The following TH variants were observed in gnomAD, a reference collection of about 807,000 sequenced individuals.
TH encodes tyrosine hydroxylase, also known as tyrosine 3-monooxygenase.
A neutral mutation model predicts 57.4 loss-of-function variants in TH; 49 were observed. That is an observed-to-expected ratio of 0.85 (90% CI 0.68 to 1.08). TH has a LOEUF of 1.08. Ranked by LOEUF, TH falls within the 50% of genes least tolerant of loss-of-function variation. The pLI is 0.00. For synonymous variants in TH, 330 were observed against 304.5 expected (o/e 1.08, Z -0.87); for missense variants, 720 against 696.7 (o/e 1.03, Z -0.38).
At chr11:2,165,132 C>T in intron 12 of TH, 100 bp downstream of exon 12, 1 of 1,578,720 alleles carries the variant, frequency 6.3e-7, no homozygotes, top group Non-Finnish European at 8.7e-7. Flanking sequence ...TCATCTGTGA[C>T]CTGGGCTCAC....
In TH at chr11:2,166,659, C is replaced by G; in HGVS notation, c.951G>C (p.Ala317=). Residue 317 remains alanine, a synonymous_variant, in exon 8 of 13, where the codon GCG becomes GCC. Transcript: ENST00000352909. Reference sequence around the variant, plus strand: ...GCTCAGGGGAGTGCATGGGCGAGGACGCGTGGCGGATATACTGGGTGCACT... The same window carrying G: ...GCTCAGGGGAGTGCATGGGCGAGGAGGCGTGGCGGATATACTGGGTGCACT... The part of the protein sequence containing the change: ...VFQCTQYIRH[A]SSPMHSPEPD... 1 of 1,573,042 alleles carries G rather than the reference C, an allele frequency of 6.4e-7. No homozygotes were observed. The highest frequency in any genetic ancestry group is 8.6e-7 in the Non-Finnish European group (1 of 1,160,050).
At chr11:2,166,336 G>T in intron 9 of TH, 144 bp downstream of exon 9, 1 of 1,178,230 alleles carries the variant, frequency 8.5e-7, no homozygotes, top group Non-Finnish European at 1.2e-6. Context: ...GCCCTATGCC[G>T]CGCGACCCTC....
At chr11:2,167,628 C>T (rs1477551241) in intron 5 of TH, 143 bp from the exon 6 acceptor site, 1 of 1,161,970 alleles carries the variant, frequency 8.6e-7, no homozygotes. Context: ...AGGGTGCACC[C>T]CAGCTGACTG....
At position 2,166,045 on chromosome 11, in the gene TH, G is replaced by T. The variant is rs763039181; in HGVS notation, c.1061C>A (p.Ala354Glu). The change falls in exon 10 of 13, where the codon GCG (alanine) becomes GAG (glutamate). Residue 354 changes from alanine (A) to glutamate (E), a missense_variant. Transcript: ENST00000352909. Reference protein sequence around the residue: ...FAQFSQDIGLASLGASDEEIE... With the variant: ...FAQFSQDIGLESLGASDEEIE... ...TTCCTCATCCGAGGCCCCCAGGGACGCCAGGCCAATGTCCTGTGGAGCAGG... is the reference window on the plus strand; with the variant it reads ...TTCCTCATCCGAGGCCCCCAGGGACTCCAGGCCAATGTCCTGTGGAGCAGG... The T allele has an allele frequency of 1.3e-6, 2 of 1,557,762 alleles. No individual in the cohort carries two copies. The highest frequency in any genetic ancestry group is 1.7e-6 in the Non-Finnish European group (2 of 1,150,586).
rs2133697405 is a variant in TH at position 2,168,546 on chromosome 11, C to A, written c.432G>T (p.Leu144=). 1 of 1,612,016 alleles carries A rather than the reference C, an allele frequency of 6.2e-7. No individual in the cohort carries two copies. The highest frequency in any genetic ancestry group is 1.7e-4 in the Middle Eastern group (1 of 5,940). Residue 144 remains leucine, a synonymous_variant, in exon 3 of 13, where the codon CTG becomes CTT. Coordinates refer to ENST00000352909, the MANE Select transcript of TH (RefSeq NM_000360.4). ...LEVRRGDLAA[L]LSGVRQVSED... ...CTGACACCTGGCGCACACCACTGAGCAGGGCGGCCAGGTCCCCTCGGCGCA... is the reference window on the plus strand; with the variant it reads ...CTGACACCTGGCGCACACCACTGAGAAGGGCGGCCAGGTCCCCTCGGCGCA...
intron 9 of TH, 105 bp downstream of exon 9, chr11:2,166,375 G>A (rs994818677): frequency 8.5e-6 from 12 of 1,405,946 alleles, no homozygotes; most frequent in Non-Finnish European, 1.1e-5. Context: ...GGCGGGGCCC[G>A]GGAGCAGGCA....
intron 9 of TH, 190 bp from the exon 10 acceptor site, chr11:2,166,248 A>C: frequency 1.2e-6 from 1 of 862,914 alleles, no homozygotes; most frequent in Non-Finnish European, 1.8e-6. Flanking sequence ...CCTTGACCAC[A>C]TTCCTAAGCC....
chr11:2,166,543 G>A lies in TH; in HGVS notation c.984C>T (p.Cys328=), dbSNP rs371340450. The change falls in exon 9 of 13, where the codon TGC becomes TGT. Residue 328 remains cysteine (C), a synonymous_variant. Transcript: ENST00000352909. ...GCACGTGCCCCAGCAGCTCGTGGCA[G>A]CAGTCCCTGCGCGTAGGAGGGAGAA... ...SSPMHSPEPD[C]CHELLGHVPM... 12 of 1,601,690 alleles carry A rather than the reference G, an allele frequency of 7.5e-6. No homozygotes were observed. Among genetic ancestry groups the A allele is most frequent in the Middle Eastern group, 1.9e-4 (1 of 5,240 alleles).
Position 2,165,722 on chromosome 11 carries a change from G to A in TH, c.1146C>T (p.Asn382=), listed in dbSNP as rs202090361. ...CGGCACCATAGGCCTTCACCTCCCC[G>A]TTCTGCTTACACAGCCCGAACTCCA... The part of the protein sequence containing the change: ...FTVEFGLCKQ[N]GEVKAYGAGL... Residue 382 remains asparagine (N), a synonymous_variant, in exon 11 of 13, where the codon AAC becomes AAT. Coordinates refer to ENST00000352909, the MANE Select transcript of TH (RefSeq NM_000360.4). The A allele has an allele frequency of 7.4e-6, 12 of 1,612,740 alleles. No homozygotes were observed. The highest frequency in any genetic ancestry group is 4.0e-5 in the African/African-American group (3 of 75,022).
rs761504134 is a variant in TH, at chr11:2,166,990, G to A, written c.738C>T (p.His246=). Residue 246 remains histidine (H), a synonymous_variant, in exon 7 of 13, where the codon CAC becomes CAT. Coordinates refer to ENST00000352909, the MANE Select transcript of TH (RefSeq NM_000360.4). The stretch of plus-strand genomic sequence containing the variant: ...AGGCCTCCAGGTGCTCCCCGCAGGC[G>A]TGCGTGGCGTAGAGGCCCTTCAGCG... ...YTTLKGLYAT[H]ACGEHLEAFA... is the part of the protein sequence containing the mutation. The A allele has an allele frequency of 6.3e-6, 10 of 1,590,210 alleles. No individual in the cohort carries two copies. In the East Asian group the frequency reaches 1.4e-4, roughly 22 times the overall value.
Position 2,169,791 on chromosome 11 carries a change from G to T in TH, c.171C>A (p.Ala57=). ...KEREAAVAAA[A]AAVPSEPGDP... The stretch of plus-strand genomic sequence containing the variant: ...CCCCGGGCTCCGAGGGGACTGCAGC[G>T]GCCGCTGCTGCCACCGCCGCCTCCC... Residue 57 remains alanine (A), a synonymous_variant, in exon 2 of 13, where the codon GCC becomes GCA. Transcript: ENST00000352909. 1 of 1,611,040 alleles carries T rather than the reference G, an allele frequency of 6.2e-7. No homozygotes were observed. Among genetic ancestry groups the T allele is most frequent in the Non-Finnish European group, 8.5e-7 (1 of 1,179,386 alleles).
Position 2,171,776 on chromosome 11 carries a change from G to A in TH, c.11C>T (p.Pro4Leu). Residue 4 changes from proline (P) to leucine (L), a missense_variant, in exon 1 of 13, where the codon CCC becomes CTC. Pro to Leu is a moderately conservative substitution (Grantham distance 98). Coordinates refer to ENST00000352909, the MANE Select transcript of TH (RefSeq NM_000360.4). The surrounding 1 kb of genome is among the most constrained non-coding windows in gnomAD (Gnocchi z 8.6). ...CTTGGCCTGTGGCGTGGTGGCGTCGGGGGTGGGCATGGCTCAGTGTGGAGG... is the reference window on the plus strand; with the variant it reads ...CTTGGCCTGTGGCGTGGTGGCGTCGAGGGTGGGCATGGCTCAGTGTGGAGG... MPT[P>L]DATTPQAKGF... 1.9e-6 allele frequency: 3 copies of A among 1,612,078 alleles called. No homozygotes were observed. Among genetic ancestry groups the A allele is most frequent in the Non-Finnish European group, 1.7e-6 (2 of 1,179,810 alleles).
chr11:2,166,974 G>C lies in TH; in HGVS notation c.754C>G (p.Leu252Val), dbSNP rs1452960216. 6.3e-7 allele frequency: 1 copy of C among 1,593,622 alleles called. No homozygotes were observed. Among genetic ancestry groups the C allele is most frequent in the Non-Finnish European group, 8.5e-7 (1 of 1,170,754 alleles). ...CGCTCCAGCAAAGCAAAGGCCTCCA[G>C]GTGCTCCCCGCAGGCGTGCGTGGCG... ...LYATHACGEH[L>V]EAFALLERFS... The change falls in exon 7 of 13, where the codon CTG becomes GTG. Residue 252 changes from leucine to valine, a missense_variant. Coordinates refer to ENST00000352909, the MANE Select transcript of TH (RefSeq NM_000360.4).
chr11:2,169,833 C>A lies in TH; in HGVS notation c.129G>T (p.Glu43Asp). 2 of 1,610,700 alleles carry A rather than the reference C, an allele frequency of 1.2e-6. No individual in the cohort carries two copies. Among genetic ancestry groups the A allele is most frequent in the Non-Finnish European group, 1.7e-6 (2 of 1,179,642 alleles). ...RFIGRRQSLI[E>D]DARKEREAAV... ...CCGCCTCCCGCTCCTTGCGGGCGTC[C>A]TCGATGAGGCTCTGCCTGCGCCCAA... Residue 43 changes from glutamate to aspartate, a missense_variant, in exon 2 of 13, where the codon GAG (glutamate) becomes GAT (aspartate). Coordinates refer to ENST00000352909, the MANE Select transcript of TH (RefSeq NM_000360.4).
rs762373165 is a variant in TH at position 2,170,768 on chromosome 11, G to T, written c.91-897C>A. ...AGCCTGTGAGGCTGGGCCCCGGGGC[G>T]CCCTGGGGAGGGGATGCCTGATGGG... On this transcript the variant is annotated intron_variant, in intron 1 of 12. Coordinates refer to ENST00000352909, the MANE Select transcript of TH (RefSeq NM_000360.4). This position sits in a 1 kb window ranked among gnomAD's most constrained non-coding sequence, Gnocchi z 6.0. The T allele has an allele frequency of 6.5e-7, 1 of 1,534,356 alleles. No homozygotes were observed. The highest frequency in any genetic ancestry group is 8.7e-7 in the Non-Finnish European group (1 of 1,148,326).
At position 2,166,047 on chromosome 11, in the gene TH, C is replaced by T; in HGVS notation, c.1059G>A (p.Leu353=). The part of the protein sequence containing the change: ...TFAQFSQDIG[L]ASLGASDEEI... ...CCTCATCCGAGGCCCCCAGGGACGC[C>T]AGGCCAATGTCCTGTGGAGCAGGGA... Residue 353 remains leucine, a synonymous_variant, in exon 10 of 13, where the codon CTG becomes CTA. Transcript: ENST00000352909. The T allele has an allele frequency of 6.4e-7, 1 of 1,557,462 alleles. No homozygotes were observed. The highest frequency in any genetic ancestry group is 8.7e-7 in the Non-Finnish European group (1 of 1,150,296).
intron 3 of TH, 91 bp from the exon 4 acceptor site, chr11:2,168,270 C>A: frequency 6.8e-7 from 1 of 1,470,626 alleles, no homozygotes; most frequent in Non-Finnish European, 9.5e-7. Context: ...ACAAGACTTC[C>A]GGGGGGCAGA....
At chr11:2,164,428 CG>C in intron 12 of TH, 36 bp from the exon 13 acceptor site, 1 of 1,541,062 alleles carries the variant, frequency 6.5e-7, no homozygotes, top group Non-Finnish European at 8.7e-7. Flanking sequence ...CGTCAACTGG[CG>C]GGCAGAGTCT....
rs1357867110 is a variant in TH at position 2,168,532 on chromosome 11, C to A, written c.446G>T (p.Arg149Leu). 3.7e-6 allele frequency: 6 copies of A among 1,612,138 alleles called. No homozygotes were observed. Among genetic ancestry groups the A allele is most frequent in the Non-Finnish European group, 5.1e-6 (6 of 1,179,814 alleles). Reference sequence around the variant, plus strand: ...GCTGCGCACGTCCTCTGACACCTGGCGCACACCACTGAGCAGGGCGGCCAG... The same window carrying A: ...GCTGCGCACGTCCTCTGACACCTGGAGCACACCACTGAGCAGGGCGGCCAG... The part of the protein sequence containing the change: ...GDLAALLSGV[R>L]QVSEDVRSPA... Residue 149 changes from arginine (R) to leucine (L), a missense_variant, in exon 3 of 13, where the codon CGC becomes CTC. Arg to Leu is a moderately radical substitution (Grantham distance 102). Coordinates refer to ENST00000352909, the MANE Select transcript of TH (RefSeq NM_000360.4).
Sources: gnomAD v4.1 joint callset for allele counts on GRCh38, gnomAD v4.1.1 for gene constraint, Gnocchi (gnomAD v3.1) non-coding constraint, MANE v1.5 for transcripts, NCBI Gene and HGNC (gene_info 2026-07-23, HGNC 2026-07-21) for gene names.